FREM1: variants seen among roughly 807,000 people sequenced by gnomAD.
FREM1 encodes FRAS1-related extracellular matrix protein 1.
In FREM1, 220 loss-of-function variants were observed where a neutral mutation model predicts 210.1. That is an observed-to-expected ratio of 1.05 (90% CI 0.94 to 1.17). The LOEUF (loss-of-function observed/expected upper bound fraction) is 1.17. Ranked by LOEUF, FREM1 falls within the 50% of genes most tolerant of loss-of-function variation. FREM1 has a pLI of 0.00. For missense variants in FREM1, 3,454 were observed against 2,675.5 expected (o/e 1.29, Z -6.42); for synonymous variants, 1,189 against 980.2 (o/e 1.21, Z -3.98).
At chr9:14,783,066 G>A (rs1849876897) in intron 24 of FREM1, among the ~76,000 whole-genome samples, 1 of 152,136 alleles carries the variant, frequency 6.6e-6, no homozygotes, top group Non-Finnish European at 1.5e-5. Context: ...TTAAAATATT[G>A]ATCAATTAAA....
chr9:14,897,419 C>G (rs7024382), intron 1 of FREM1, among the ~76,000 whole-genome samples: 4,661 of 151,922 alleles, frequency 0.031, 235 homozygotes, highest in African/African-American at 0.11. Flanking sequence ...AAACGGGGGC[C>G]CAAAGAGGCT....
At chr9:14,755,246 T>C (rs1844106878) in intron 29 of FREM1, among the ~76,000 whole-genome samples, 1 of 152,230 alleles carries the variant, frequency 6.6e-6, no homozygotes. Flanking sequence ...ATCATGCTAC[T>C]TGCAGTGAAC....
intron 24 of FREM1, among the ~76,000 whole-genome samples, chr9:14,776,915 A>G (rs1368748902): frequency 1.3e-5 from 2 of 152,216 alleles, no homozygotes; most frequent in Non-Finnish European, 2.9e-5. Context: ...TTCTCCCCCT[A>G]TAAGACAGAT....
At chr9:14,764,848 G>A (rs1392018086) in intron 27 of FREM1, among the ~76,000 whole-genome samples, 1 of 152,152 alleles carries the variant, frequency 6.6e-6, no homozygotes, top group Admixed American at 6.5e-5. Context: ...AATACCTGGA[G>A]TTAAATCACC....
chr9:14,848,162 A>T (rs1827032105), intron 7 of FREM1, among the ~76,000 whole-genome samples: 2 of 152,244 alleles, frequency 1.3e-5, no homozygotes, highest in South Asian at 4.1e-4. Flanking sequence ...TTTACATCTG[A>T]TCAACATATA....
At chr9:14,860,702 TATACACACATATATACAC>T (rs1829805726) in intron 3 of FREM1, among the ~76,000 whole-genome samples, 1 of 100,178 alleles carries the variant, frequency 1.0e-5, no homozygotes, top group Non-Finnish European at 1.9e-5. Context: ...TACACACATA[TATACACACATATATACAC>T]ATATATACAC....
At chr9:14,878,953 C>T (rs1231536355) in intron 1 of FREM1, among the ~76,000 whole-genome samples, 1 of 151,948 alleles carries the variant, frequency 6.6e-6, no homozygotes, top group Non-Finnish European at 1.5e-5. Flanking sequence ...GTCAGGAGTT[C>T]GAGAACAGCC....
At chr9:14,860,808 CAT>C (rs1160645552) in intron 3 of FREM1, among the ~76,000 whole-genome samples, 10 of 90,736 alleles carry the variant, frequency 1.1e-4, no homozygotes, top group Non-Finnish European at 2.1e-4. Flanking sequence ...CACATATATA[CAT>C]ATATACACAT....
intron 36 of FREM1, among the ~76,000 whole-genome samples, chr9:14,739,009 C>CAAA (rs386414499): frequency 0.039 from 3,368 of 87,254 alleles, 233 homozygotes; most frequent in African/African-American, 0.051. Flanking sequence ...GATTCTGTCT[C>CAAA]AAAAAAAAAA....
At chr9:14,754,866 A>G (rs7023573) in intron 29 of FREM1, among the ~76,000 whole-genome samples, 109,642 of 152,064 alleles carry the variant, frequency 0.72, 39,706 homozygotes, top group African/African-American at 0.74. Context: ...CCCAGGAGGC[A>G]GAGGTTGCAG....
chr9:14,811,765 C>T (rs536365142), intron 16 of FREM1, among the ~76,000 whole-genome samples: 1 of 152,018 alleles, frequency 6.6e-6, no homozygotes, highest in African/African-American at 2.4e-5. Context: ...ATCTCCATCC[C>T]TCCTCCTTGA....
chr9:14,754,775 T>G (rs951051258), intron 29 of FREM1, among the ~76,000 whole-genome samples: 2 of 151,882 alleles, frequency 1.3e-5, no homozygotes, highest in Admixed American at 1.3e-4. Context: ...CTACTAAAAA[T>G]ACAAAAAAAT....
At chr9:14,906,910 A>G (rs1197034412) in intron 1 of FREM1, among the ~76,000 whole-genome samples, 1 of 152,202 alleles carries the variant, frequency 6.6e-6, no homozygotes, top group African/African-American at 2.4e-5. Flanking sequence ...CCAGATAAGA[A>G]AGTTTCAAGG....
intron 1 of FREM1, among the ~76,000 whole-genome samples, chr9:14,870,397 G>C (rs1267420783): frequency 6.6e-6 from 1 of 152,174 alleles, no homozygotes; most frequent in Non-Finnish European, 1.5e-5. Flanking sequence ...CACTCCAACT[G>C]ACTCTATTGT....
intron 2 of FREM1, among the ~76,000 whole-genome samples, chr9:14,865,804 A>C (rs1462342681): frequency 6.6e-6 from 1 of 152,150 alleles, no homozygotes; most frequent in Non-Finnish European, 1.5e-5. Context: ...ATTCAACAAA[A>C]CAAAACAGAC....
intron 23 of FREM1, among the ~76,000 whole-genome samples, chr9:14,786,611 T>A (rs765076921): frequency 6.6e-6 from 1 of 152,212 alleles, no homozygotes; most frequent in Non-Finnish European, 1.5e-5. Context: ...AGACCTGGGA[T>A]GCTGCTAAAC....
intron 5 of FREM1, among the ~76,000 whole-genome samples, chr9:14,853,261 G>C (rs1387600945): frequency 6.6e-6 from 1 of 152,208 alleles, no homozygotes; most frequent in African/African-American, 2.4e-5. Flanking sequence ...GTGGCAACAA[G>C]GGACATATAA....
intron 1 of FREM1, among the ~76,000 whole-genome samples, chr9:14,889,236 C>T (rs1433675679): frequency 1.3e-5 from 2 of 152,154 alleles, no homozygotes; most frequent in Non-Finnish European, 2.9e-5. Flanking sequence ...CTCTGAGGCT[C>T]TTGATATGCA....
At chr9:14,741,011 G>C (rs1382451331) in intron 35 of FREM1, among the ~76,000 whole-genome samples, 1 of 151,578 alleles carries the variant, frequency 6.6e-6, no homozygotes, top group Non-Finnish European at 1.5e-5. Flanking sequence ...TTTCAAACAA[G>C]AAACAAATAT....
Sources: gnomAD v4.1 joint callset for allele counts (sites outside exome capture counted in the v4.1 genomes callset) on GRCh38, gnomAD v4.1.1 for gene constraint, MANE v1.5 for transcripts, NCBI Gene and HGNC (gene_info 2026-07-23, HGNC 2026-07-21) for gene names.